Variants in ROBO1 observed in about 807,000 individuals in gnomAD.
The protein encoded by ROBO1 is roundabout homolog 1.
ROBO1 carries 149 observed loss-of-function variants against 195.9 expected under a neutral mutation model. The observed-to-expected ratio is 0.76, with a 90% confidence interval of 0.67 to 0.87. The LOEUF is 0.87. ROBO1 is among the 40% of genes least tolerant of loss of function. The pLI is 0.00. For synonymous variants in ROBO1, 816 were observed against 733.2 expected (o/e 1.11, Z -1.82); for missense variants, 1,933 against 2,068.3 (o/e 0.93, Z 1.27).
In ROBO1 at chr3:78,907,594, T is replaced by C. The variant is rs1386549446; in HGVS notation, c.499+31007A>G. On this transcript the variant is annotated intron_variant, in intron 4 of 30. Transcript: ENST00000464233. ...ATGTGGTAGTCCTAGTTACATTTGA[T>C]AAACAAGGGATGGCAATTCACATGA... Among the ~76,000 whole-genome samples, 4 of 152,046 alleles carry C rather than the reference T, an allele frequency of 2.6e-5. No individual in the cohort carries two copies. The East Asian group carries it at 7.7e-4, about 29-fold the overall frequency.
chr3:78,835,825 T>G (rs1188625347), intron 4 of ROBO1, among the ~76,000 whole-genome samples: 4 of 152,190 alleles, frequency 2.6e-5, no homozygotes, highest in African/African-American at 9.7e-5. Flanking sequence ...ATTCCTATCT[T>G]AGAAAAGCAA....
chr3:78,711,749 A>G (rs1228399104), intron 8 of ROBO1, among the ~76,000 whole-genome samples: 4 of 150,724 alleles, frequency 2.7e-5, no homozygotes, highest in African/African-American at 9.8e-5. Context: ...TCGGCCTCCC[A>G]TAGTGCTGGG....
chr3:79,299,138 A>C (rs1340256753), intron 2 of ROBO1, among the ~76,000 whole-genome samples: 1 of 152,188 alleles, frequency 6.6e-6, no homozygotes. Flanking sequence ...GAGGTAACAT[A>C]GTTGTATTCT....
intron 2 of ROBO1, among the ~76,000 whole-genome samples, chr3:79,377,449 G>T (rs1417495011): frequency 6.6e-6 from 1 of 152,128 alleles, no homozygotes; most frequent in African/African-American, 2.4e-5. Context: ...AATATGAAAT[G>T]ATTTTTAGTA....
chr3:78,901,654 A>T (rs902320537), intron 4 of ROBO1, among the ~76,000 whole-genome samples: 4 of 152,184 alleles, frequency 2.6e-5, no homozygotes, highest in African/African-American at 7.2e-5. Context: ...GTCTCTCCCT[A>T]ACAGGAGCGA....
intron 8 of ROBO1, among the ~76,000 whole-genome samples, chr3:78,696,545 T>C (rs2081294067): frequency 1.3e-5 from 2 of 151,814 alleles, no homozygotes; most frequent in Admixed American, 6.6e-5. Context: ...GAATATTCAA[T>C]AGGATACAAA....
intron 1 of ROBO1, among the ~76,000 whole-genome samples, chr3:79,700,372 T>C (rs185572239): frequency 6.6e-6 from 1 of 150,436 alleles, no homozygotes; most frequent in Admixed American, 6.7e-5. Flanking sequence ...CAATTTATTT[T>C]CTTTTGGATA....
At chr3:79,065,859 T>C (rs546625731) in intron 3 of ROBO1, among the ~76,000 whole-genome samples, 3 of 151,966 alleles carry the variant, frequency 2.0e-5, no homozygotes, top group Non-Finnish European at 2.9e-5. Context: ...ATGATGGTGA[T>C]GGTAAGTCTC....
At position 79,488,916 on chromosome 3, in the gene ROBO1, T is replaced by A. The variant is rs911921506; in HGVS notation, c.88+100908A>T. ...TGGATGCTTTATTTATAACTTTTGA[T>A]GAACTCAGTAAGATTTAGCCTTGAG... is the stretch of plus-strand genomic sequence containing the variant. On this transcript the variant is annotated intron_variant, in intron 2 of 30. Coordinates refer to ENST00000464233, the MANE Select transcript of ROBO1 (RefSeq NM_002941.4). Among the ~76,000 whole-genome samples the A allele has an allele frequency of 6.6e-5, 10 of 152,286 alleles. 3 individuals carry two copies. Among genetic ancestry groups the A allele is most frequent in the Admixed American group, 6.5e-4 (10 of 15,292 alleles).
intron 2 of ROBO1, among the ~76,000 whole-genome samples, chr3:79,269,121 A>G (rs1480794474): frequency 6.6e-6 from 1 of 151,620 alleles, no homozygotes; most frequent in Non-Finnish European, 1.5e-5. Flanking sequence ...AGAGACTGAC[A>G]TATAGAATTA....
At chr3:78,679,380 C>T (rs565362552) in intron 10 of ROBO1, among the ~76,000 whole-genome samples, 74 of 152,230 alleles carry the variant, frequency 4.9e-4, no homozygotes, top group Admixed American at 1.2e-3. Context: ...AAGAGGAAGT[C>T]AAATTGTCCC....
At chr3:79,409,658 T>C (rs1191308391) in intron 2 of ROBO1, among the ~76,000 whole-genome samples, 2 of 152,126 alleles carry the variant, frequency 1.3e-5, no homozygotes, top group African/African-American at 4.8e-5. Flanking sequence ...CATGACTCAA[T>C]TTTGTGTTTC....
At chr3:79,256,867 T>C (rs2082843739) in intron 2 of ROBO1, among the ~76,000 whole-genome samples, 1 of 152,154 alleles carries the variant, frequency 6.6e-6, no homozygotes, top group Non-Finnish European at 1.5e-5. Context: ...TGCTGTGCAC[T>C]GTAACAGTCA....
At chr3:79,566,745 C>T (rs572559266) in intron 2 of ROBO1, among the ~76,000 whole-genome samples, 3 of 152,214 alleles carry the variant, frequency 2.0e-5, no homozygotes, top group East Asian at 1.9e-4. Flanking sequence ...AATCTCACTC[C>T]AGTCATATAG....
At chr3:79,560,556 T>TATATATATACAC (rs944214132) in intron 2 of ROBO1, among the ~76,000 whole-genome samples, 22 of 119,832 alleles carry the variant, frequency 1.8e-4, no homozygotes, top group African/African-American at 6.2e-4. Flanking sequence ...TATATATATA[T>TATATATATACAC]ATACACATAC....
intron 1 of ROBO1, among the ~76,000 whole-genome samples, chr3:79,695,625 G>A (rs1947422611): frequency 6.6e-6 from 1 of 151,284 alleles, no homozygotes; most frequent in Admixed American, 6.6e-5. Flanking sequence ...AAACTCCAGT[G>A]ACCTAAAAAT....
At chr3:78,988,943 G>A (rs542354322) in intron 3 of ROBO1, among the ~76,000 whole-genome samples, 24 of 152,160 alleles carry the variant, frequency 1.6e-4, no homozygotes, top group East Asian at 7.7e-4. Context: ...TAAGAGCTTC[G>A]AAAGTAAGAT....
intron 2 of ROBO1, among the ~76,000 whole-genome samples, chr3:79,206,915 C>T (rs2108792291): frequency 6.6e-6 from 1 of 152,192 alleles, no homozygotes; most frequent in South Asian, 2.1e-4. Flanking sequence ...AAATATGTTA[C>T]AATTTGAAGC....
At chr3:79,203,612 G>C (rs75665829) in intron 2 of ROBO1, among the ~76,000 whole-genome samples, 2,106 of 152,210 alleles carry the variant, frequency 0.014, 66 homozygotes, top group African/African-American at 0.049. Context: ...TTAGATTTTA[G>C]ATATGAGCAG....
Sources: gnomAD v4.1 joint callset for allele counts (sites outside exome capture counted in the v4.1 genomes callset) on GRCh38, gnomAD v4.1.1 for gene constraint, MANE v1.5 for transcripts, NCBI Gene and HGNC (gene_info 2026-07-23, HGNC 2026-07-21) for gene names.